HECW1: variants seen among roughly 807,000 people sequenced by gnomAD.
HECW1 encodes the protein HECT, C2 and WW domain containing E3 ubiquitin protein ligase 1, also known as E3 ubiquitin-protein ligase HECW1.
HECW1 carries 61 observed loss-of-function variants against 182.3 expected under a neutral mutation model. That is an observed-to-expected ratio of 0.33 (90% CI 0.27 to 0.41). The LOEUF is 0.41. Ranked by LOEUF, HECW1 falls within the 10% of genes least tolerant of loss-of-function variation. The pLI, the probability that HECW1 is intolerant of heterozygous loss-of-function variation, is 1.00. For synonymous variants in HECW1, 859 were observed against 832.6 expected, an observed-to-expected ratio of 1.03 and a Z score of -0.55; for missense variants, 1,739 against 2,108.9, an observed-to-expected ratio of 0.82 and a Z score of 3.44.
chr7:43,220,338 C>A (rs1211530087), intron 2 of HECW1, among the ~76,000 whole-genome samples: 1 of 152,128 alleles, frequency 6.6e-6, no homozygotes, highest in Non-Finnish European at 1.5e-5. Context: ...CAGAGTATTG[C>A]CAGTAGAGAC....
intron 8 of HECW1, among the ~76,000 whole-genome samples, chr7:43,414,089 A>G (rs2075902394): frequency 1.3e-5 from 2 of 151,790 alleles, no homozygotes. Flanking sequence ...ACCCATGAGC[A>G]TGGAATGTTC....
intron 13 of HECW1, among the ~76,000 whole-genome samples, chr7:43,460,851 G>A (rs2077559769): frequency 6.6e-6 from 1 of 152,174 alleles, no homozygotes; most frequent in African/African-American, 2.4e-5. Context: ...GTCAGACGTA[G>A]GGTCAAATGC....
intron 8 of HECW1, among the ~76,000 whole-genome samples, 176 bp from the exon 9 acceptor site, chr7:43,437,826 CT>C (rs1258213247): frequency 1.3e-5 from 2 of 152,130 alleles, no homozygotes; most frequent in Non-Finnish European, 2.9e-5. Flanking sequence ...GCAGAAGCAT[CT>C]TGTCGCTGCC....
chr7:43,261,270 C>CT (rs916104251), intron 3 of HECW1, among the ~76,000 whole-genome samples: 4 of 152,164 alleles, frequency 2.6e-5, no homozygotes, highest in Admixed American at 6.5e-5. Context: ...AAGAAATTGC[C>CT]TTTTTTTCCC....
At chr7:43,277,892 C>T (rs1411419339) in intron 3 of HECW1, among the ~76,000 whole-genome samples, 1 of 152,156 alleles carries the variant, frequency 6.6e-6, no homozygotes, top group Non-Finnish European at 1.5e-5. Flanking sequence ...GCTTGATGTG[C>T]TTCCAGGAAG....
chr7:43,394,414 T>C (rs2075155286), intron 6 of HECW1, among the ~76,000 whole-genome samples: 1 of 152,188 alleles, frequency 6.6e-6, no homozygotes, highest in Non-Finnish European at 1.5e-5. Flanking sequence ...CATTGCTCCA[T>C]GCATAGAAAG....
intron 26 of HECW1, among the ~76,000 whole-genome samples, chr7:43,549,632 C>G (rs775663968): frequency 2.0e-5 from 3 of 152,198 alleles, no homozygotes; most frequent in Admixed American, 6.5e-5. Flanking sequence ...CCTGATGACT[C>G]AAGCATGTCC....
intron 2 of HECW1, among the ~76,000 whole-genome samples, chr7:43,157,706 A>C (rs2152652863): frequency 6.6e-6 from 1 of 152,260 alleles, no homozygotes; most frequent in South Asian, 2.1e-4. Context: ...TACTATAGGC[A>C]CATGCCACCA....
intron 5 of HECW1, among the ~76,000 whole-genome samples, chr7:43,323,872 T>C (rs1314637166): frequency 6.6e-6 from 1 of 151,648 alleles, no homozygotes; most frequent in Admixed American, 6.6e-5. Context: ...CCATCTCTGC[T>C]AAAATACAAA....
At chr7:43,244,033 T>A in intron 3 of HECW1, 101 bp downstream of exon 3, 1 of 949,044 alleles carries the variant, frequency 1.1e-6, no homozygotes, top group Non-Finnish European at 1.7e-6. Context: ...CCATTGCGGT[T>A]GCCCAGCCCA....
At chr7:43,319,810 AC>A (rs1001101774) in intron 4 of HECW1, among the ~76,000 whole-genome samples, 4 of 138,102 alleles carry the variant, frequency 2.9e-5, no homozygotes, top group African/African-American at 1.1e-4. Flanking sequence ...ACAATGTTTC[AC>A]CATGTTGGCC....
chr7:43,210,264 C>T (rs1183579372), intron 2 of HECW1, among the ~76,000 whole-genome samples: 1 of 151,990 alleles, frequency 6.6e-6, no homozygotes, highest in Admixed American at 6.6e-5. Context: ...CCAAAACGAA[C>T]TTATTGTGGA....
intron 2 of HECW1, among the ~76,000 whole-genome samples, chr7:43,237,095 A>G (rs1456629749): frequency 7.0e-6 from 1 of 142,204 alleles, no homozygotes; most frequent in Admixed American, 7.0e-5. Flanking sequence ...GGAAGCAGGG[A>G]TGGGAGGGAG....
chr7:43,368,206 A>G (rs182229044), intron 6 of HECW1, among the ~76,000 whole-genome samples: 181 of 152,324 alleles, frequency 1.2e-3, no homozygotes, highest in African/African-American at 4.2e-3. Context: ...ACAAGAAAAC[A>G]GGCAATGACA....
At chr7:43,379,855 G>T (rs377677371) in intron 6 of HECW1, among the ~76,000 whole-genome samples, 1 of 152,092 alleles carries the variant, frequency 6.6e-6, no homozygotes, top group African/African-American at 2.4e-5. Flanking sequence ...CATGGTGCTC[G>T]TGTTGTAATT....
chr7:43,259,189 C>A (rs1287167073), intron 3 of HECW1, among the ~76,000 whole-genome samples: 1 of 152,106 alleles, frequency 6.6e-6, no homozygotes, highest in African/African-American at 2.4e-5. Flanking sequence ...GACTTCGAGA[C>A]CAGCCTGGCC....
At chr7:43,360,303 C>G (rs1320553424) in intron 5 of HECW1, among the ~76,000 whole-genome samples, 1 of 151,678 alleles carries the variant, frequency 6.6e-6, no homozygotes, top group East Asian at 1.9e-4. Context: ...CATTAAAGTC[C>G]TGAGCTCAAG....
intron 5 of HECW1, among the ~76,000 whole-genome samples, chr7:43,336,314 C>A (rs531831782): frequency 6.6e-6 from 1 of 151,646 alleles, no homozygotes; most frequent in African/African-American, 2.4e-5. Flanking sequence ...CACACTCACA[C>A]ACCACCATGC....
chr7:43,414,033 A>T (rs1312756643), intron 8 of HECW1, among the ~76,000 whole-genome samples: 2 of 151,288 alleles, frequency 1.3e-5, no homozygotes, highest in Non-Finnish European at 2.9e-5. Flanking sequence ...TGAATCTGTA[A>T]ATTACCCTGG....
Sources: allele counts gnomAD v4.1 joint callset (sites outside exome capture counted in the v4.1 genomes callset), GRCh38; gene constraint gnomAD v4.1.1; transcripts MANE v1.5; gene names NCBI Gene and HGNC (gene_info 2026-07-23, HGNC 2026-07-21).